Variants in CELF2 observed in about 807,000 individuals in gnomAD.
CELF2 encodes CUGBP Elav-like family member 2.
Under a neutral mutation model 62.6 loss-of-function variants are expected in CELF2, and 8 were observed. That is an observed-to-expected ratio of 0.13 (90% confidence interval 0.07 to 0.23). The LOEUF (loss-of-function observed/expected upper bound fraction) is 0.23, where lower values mean the gene tolerates loss of function less well. Ranked by LOEUF, CELF2 falls within the 10% of genes least tolerant of loss-of-function variation. CELF2 has a pLI of 1.00. For missense variants in CELF2, 333 were observed against 671.0 expected (o/e 0.50, Z 5.56); for synonymous variants, 258 against 250.0 (o/e 1.03, Z -0.30).
chr10:11,136,666 G>A (rs1481868829), intron 1 of CELF2, among the ~76,000 whole-genome samples: 1 of 152,116 alleles, frequency 6.6e-6, no homozygotes, highest in Non-Finnish European at 1.5e-5. Flanking sequence ...AACGATAGCA[G>A]ACAAACCTGG....
At chr10:10,668,827 G>A in the CELF2 span, among the ~76,000 whole-genome samples, 2 of 152,042 alleles carry the variant, frequency 1.3e-5, no homozygotes, top group Non-Finnish European at 2.9e-5. Context: ...GCAGGGTGGT[G>A]TGCGCCTGTA....
At chr10:10,742,508 G>A in the CELF2 span, among the ~76,000 whole-genome samples, 1 of 151,726 alleles carries the variant, frequency 6.6e-6, no homozygotes, top group East Asian at 1.9e-4. Context: ...GCACGCTGGT[G>A]GTCCCAGCTG....
the CELF2 span, among the ~76,000 whole-genome samples, chr10:10,617,323 C>T: frequency 2.6e-5 from 4 of 152,140 alleles, no homozygotes; most frequent in African/African-American, 7.2e-5. Context: ...ATAATATTCA[C>T]AATACCACAT....
At chr10:11,083,395 A>G (rs2074550068) in intron 1 of CELF2, among the ~76,000 whole-genome samples, 2 of 152,164 alleles carry the variant, frequency 1.3e-5, no homozygotes, top group Admixed American at 1.3e-4. Flanking sequence ...GAGTTTAAAT[A>G]ACAGGGACGG....
At chr10:10,736,967 G>T in the CELF2 span, among the ~76,000 whole-genome samples, 1 of 152,096 alleles carries the variant, frequency 6.6e-6, no homozygotes, top group Non-Finnish European at 1.5e-5. Flanking sequence ...GGATGAGCTG[G>T]CCCTATCTGT....
the CELF2 span, among the ~76,000 whole-genome samples, chr10:10,582,170 T>C: frequency 6.6e-6 from 1 of 152,232 alleles, no homozygotes; most frequent in Non-Finnish European, 1.5e-5. Flanking sequence ...TCTATCCACT[T>C]GACCGAATTT....
intron 2 of CELF2, among the ~76,000 whole-genome samples, chr10:10,954,488 C>T (rs538380010): frequency 7.8e-4 from 118 of 152,192 alleles, no homozygotes; most frequent in Non-Finnish European, 1.3e-3. Flanking sequence ...CCTTGTGATC[C>T]GCCCACCTTG....
chr10:10,703,052 G>T, the CELF2 span, among the ~76,000 whole-genome samples: 1 of 152,102 alleles, frequency 6.6e-6, no homozygotes, highest in Non-Finnish European at 1.5e-5. Flanking sequence ...CAGCAATTCC[G>T]CTACCTCCTC....
Position 11,165,740 on chromosome 10 carries a change from G to A in CELF2, c.271+58G>A. On this transcript the variant is annotated intron_variant, in intron 2 of 12. Transcript: ENST00000633077. This position sits in a 1 kb window ranked among gnomAD's most constrained non-coding sequence, Gnocchi z 7.4. ...CCAGGTGGGCGTCGCGGGGCACTGG[G>A]GCTGTCCGAGCCCCCAGCCTGCAGG... 1 of 1,488,988 alleles carries A rather than the reference G, an allele frequency of 6.7e-7. No homozygotes were observed. Among genetic ancestry groups the A allele is most frequent in the Non-Finnish European group, 9.1e-7 (1 of 1,101,924 alleles). The allele number at this position is 1,488,988 out of a possible 1,614,324, so 92.2% of individuals were successfully genotyped here.
intron 1 of CELF2, among the ~76,000 whole-genome samples, chr10:10,818,373 G>C (rs1239100440): frequency 1.3e-5 from 2 of 152,050 alleles, no homozygotes; most frequent in African/African-American, 2.4e-5. Context: ...AAATCCAAAA[G>C]AAAGGTTTTT....
the CELF2 span, among the ~76,000 whole-genome samples, chr10:10,504,929 C>A: frequency 3.3e-5 from 5 of 151,594 alleles, no homozygotes; most frequent in African/African-American, 4.8e-5. Context: ...CTTTTTTTTC[C>A]ATTTGCTTCA....
At chr10:10,615,694 T>G in the CELF2 span, among the ~76,000 whole-genome samples, 1 of 152,052 alleles carries the variant, frequency 6.6e-6, no homozygotes, top group Non-Finnish European at 1.5e-5. Flanking sequence ...GTGTGACACC[T>G]CCCCACTCTC....
At position 11,305,398 on chromosome 10, in the gene CELF2, C is replaced by T. The variant is rs949990195; in HGVS notation, c.977-8741C>T. Among the ~76,000 whole-genome samples the T allele has an allele frequency of 5.9e-5, 9 of 152,188 alleles. No homozygotes were observed. Among genetic ancestry groups the T allele is most frequent in the East Asian group, 1.9e-4 (1 of 5,192 alleles). On this transcript the variant is annotated intron_variant, in intron 9 of 12. Transcript: ENST00000633077. This position sits in a 1 kb window ranked among gnomAD's most constrained non-coding sequence, Gnocchi z 4.8. ...CATCCTGCATCCCTCACGGGTACAC[C>T]GGGGCCAGTCCCTTCAACACTCTGG...
chr10:10,606,636 A>C, the CELF2 span, among the ~76,000 whole-genome samples: 1 of 152,214 alleles, frequency 6.6e-6, no homozygotes, highest in Non-Finnish European at 1.5e-5. Flanking sequence ...GGTTCTTTGT[A>C]ACATGTTCTA....
chr10:11,299,342 A>G (rs903477441), intron 9 of CELF2, among the ~76,000 whole-genome samples: 4 of 152,220 alleles, frequency 2.6e-5, no homozygotes, highest in Non-Finnish European at 5.9e-5. Context: ...CCCTGCTGTG[A>G]CGTCCCTGGG....
intron 1 of CELF2, among the ~76,000 whole-genome samples, chr10:11,132,812 T>C (rs944439522): frequency 6.6e-6 from 1 of 152,206 alleles, no homozygotes; most frequent in Non-Finnish European, 1.5e-5. Context: ...CTTAGGCCTT[T>C]GCTCATGATG....
chr10:11,336,130 A>T lies in CELF2; in HGVS notation c.*7077A>T, dbSNP rs2096114744. The stretch of plus-strand genomic sequence containing the variant: ...TGCCCAGCCCACAGCAGTCGCACGC[A>T]GCCGATGGGCTCGGACTCTTAGCTG... On this transcript the variant is annotated 3_prime_UTR_variant, in exon 13 of 13. Coordinates refer to ENST00000633077, the MANE Select transcript of CELF2 (RefSeq NM_001326342.2). The surrounding 1 kb of genome is among the most constrained non-coding windows in gnomAD (Gnocchi z 5.4). The T allele has an allele frequency of 6.5e-6, 1 of 152,716 alleles. No homozygotes were observed. The highest frequency in any genetic ancestry group is 2.4e-5 in the African/African-American group (1 of 41,470). 9.5% of individuals were successfully genotyped at this position (152,716 alleles called of 1,614,324 possible).
At chr10:11,199,561 C>T (rs549803303) in intron 2 of CELF2, among the ~76,000 whole-genome samples, 10 of 152,266 alleles carry the variant, frequency 6.6e-5, no homozygotes, top group East Asian at 1.9e-4. Context: ...CACCCCTTCC[C>T]CCAAGTGTGC....
chr10:10,811,020 C>A (rs2055824316), intron 1 of CELF2, among the ~76,000 whole-genome samples: 1 of 152,172 alleles, frequency 6.6e-6, no homozygotes, highest in Non-Finnish European at 1.5e-5. Context: ...ATGCGCAGAG[C>A]CATCAGTATC....
Sources: gnomAD v4.1 joint callset for allele counts (sites outside exome capture counted in the v4.1 genomes callset) on GRCh38, gnomAD v4.1.1 for gene constraint, Gnocchi (gnomAD v3.1) non-coding constraint, MANE v1.5 for transcripts, NCBI Gene and HGNC (gene_info 2026-07-23, HGNC 2026-07-21) for gene names.